TBC1D32: variants seen among roughly 807,000 people sequenced by gnomAD.
The protein encoded by TBC1D32 is TBC1 domain family member 32.
Under a neutral mutation model 170.3 loss-of-function variants are expected in TBC1D32, and 151 were observed. The observed-to-expected ratio is 0.89, with a 90% CI of 0.78 to 1.01. TBC1D32 has a LOEUF of 1.01. Ranked by LOEUF, TBC1D32 falls within the 50% of genes least tolerant of loss-of-function variation. The pLI is 0.00. For synonymous variants in TBC1D32, 498 were observed against 488.0 expected, an observed-to-expected ratio of 1.02 and a Z score of -0.27; for missense variants, 1,464 against 1,457.1, an observed-to-expected ratio of 1.00 and a Z score of -0.08.
chr6:121,298,665 C>A (rs1011058184), intron 10 of TBC1D32, among the ~76,000 whole-genome samples: 1 of 152,032 alleles, frequency 6.6e-6, no homozygotes, highest in Non-Finnish European at 1.5e-5. Context: ...ATATCCCTCT[C>A]TTCTTCTGCT....
chr6:121,115,977 A>G (rs1374009601), intron 26 of TBC1D32, among the ~76,000 whole-genome samples: 4 of 152,264 alleles, frequency 2.6e-5, no homozygotes, highest in Admixed American at 6.5e-5. Context: ...CTAACAGTGA[A>G]CCCTCAAAGG....
At chr6:121,321,611 A>G (rs765820719) in intron 2 of TBC1D32, 22 bp downstream of exon 2, 2 of 1,602,084 alleles carry the variant, frequency 1.2e-6, no homozygotes, top group Admixed American at 1.7e-5. Flanking sequence ...TTATTTGAAG[A>G]TATTATTATG....
chr6:121,188,076 A>G lies in TBC1D32; in HGVS notation c.2570+16999T>C, dbSNP rs898081952. On this transcript the variant is annotated intron_variant, in intron 22 of 31. Transcript: ENST00000398212. ...CTACCAGTTTTGTCACTTTAATTGAATGGCTTAACTTCTCTGTGTCCCAGT... is the reference window on the plus strand; with the variant it reads ...CTACCAGTTTTGTCACTTTAATTGAGTGGCTTAACTTCTCTGTGTCCCAGT... Among the ~76,000 whole-genome samples the G allele has an allele frequency of 6.6e-5, 10 of 152,158 alleles. No homozygotes were observed. In the East Asian group the frequency reaches 1.7e-3, roughly 26 times the overall value.
intron 31 of TBC1D32, among the ~76,000 whole-genome samples, chr6:121,086,007 G>A (rs1370644166): frequency 6.6e-6 from 1 of 151,956 alleles, no homozygotes; most frequent in Non-Finnish European, 1.5e-5. Flanking sequence ...AGAAAAATGG[G>A]AGCAAAAGTA....
intron 19 of TBC1D32, among the ~76,000 whole-genome samples, chr6:121,240,754 G>C (rs1359932826): frequency 6.6e-6 from 1 of 151,542 alleles, no homozygotes; most frequent in Non-Finnish European, 1.5e-5. Context: ...CAGGCGTGGT[G>C]GTGGCCTCCT....
chr6:121,188,733 T>C (rs1040376024), intron 22 of TBC1D32, among the ~76,000 whole-genome samples: 4 of 152,154 alleles, frequency 2.6e-5, no homozygotes, highest in African/African-American at 9.7e-5. Context: ...TTAAAAACCT[T>C]CCCATACTTT....
At chr6:121,220,073 G>T (rs536257624) in intron 21 of TBC1D32, among the ~76,000 whole-genome samples, 1 of 152,188 alleles carries the variant, frequency 6.6e-6, no homozygotes, top group African/African-American at 2.4e-5. Flanking sequence ...ACAATATTAA[G>T]ATTAGCGCAA....
At chr6:121,109,101 G>A (rs1778972764) in intron 29 of TBC1D32, among the ~76,000 whole-genome samples, 2 of 152,148 alleles carry the variant, frequency 1.3e-5, no homozygotes. Flanking sequence ...TTTCCTACAA[G>A]TGATTGGTCA....
intron 3 of TBC1D32, among the ~76,000 whole-genome samples, chr6:121,313,025 T>C (rs1028874436): frequency 6.6e-6 from 1 of 152,042 alleles, no homozygotes; most frequent in Non-Finnish European, 1.5e-5. Flanking sequence ...AAGACCACTT[T>C]TCCCGTAACA....
In TBC1D32 at chr6:121,107,779, T is replaced by C. The variant is rs73768906; in HGVS notation, c.3325-1616A>G. ...ACATGTCTAATAGTAGCATAAGAGT[T>C]CTATGTATAGGAAATGATTCATATG... On this transcript the variant is annotated intron_variant, in intron 29 of 31. Coordinates refer to ENST00000398212, the MANE Select transcript of TBC1D32 (RefSeq NM_152730.6). 5.7e-3 allele frequency among the ~76,000 whole-genome samples: 874 copies of C among 152,136 alleles called. 10 individuals carry two copies. Among genetic ancestry groups the C allele is most frequent in the African/African-American group, 0.02 (832 of 41,568 alleles).
chr6:121,173,884 A>G (rs1169284860), intron 22 of TBC1D32, among the ~76,000 whole-genome samples: 3 of 151,214 alleles, frequency 2.0e-5, no homozygotes, highest in Non-Finnish European at 4.4e-5. Flanking sequence ...CATCTCTCCA[A>G]AAAGAAGTAC....
intron 22 of TBC1D32, among the ~76,000 whole-genome samples, chr6:121,175,903 G>C (rs1787699816): frequency 6.6e-6 from 1 of 152,172 alleles, no homozygotes; most frequent in South Asian, 2.1e-4. Flanking sequence ...TTCATTATTA[G>C]AAGACAATAA....
At chr6:121,239,325 TCTC>T in intron 19 of TBC1D32, 137 bp from the exon 20 acceptor site, 1 of 458,510 alleles carries the variant, frequency 2.2e-6, no homozygotes, top group Non-Finnish European at 3.9e-6. Context: ...TAAAAAATAA[TCTC>T]TTCTTGGTAG....
At chr6:121,196,118 GA>G (rs1562861760) in intron 22 of TBC1D32, among the ~76,000 whole-genome samples, 1 of 152,160 alleles carries the variant, frequency 6.6e-6, no homozygotes, top group African/African-American at 2.4e-5. Context: ...CTCAGCAGAG[GA>G]GGATTTTAAT....
In TBC1D32 at chr6:121,317,491, A is replaced by C. The variant is rs200668673; in HGVS notation, c.495+4T>G. ...AGACATAAATGCAAAACTGAACAAC[A>C]CACCTGATTCAATGATGAATCACTA... On this transcript the variant is annotated splice_donor_region_variant and intron_variant, in intron 3 of 31. Coordinates refer to ENST00000398212, the MANE Select transcript of TBC1D32 (RefSeq NM_152730.6). The C allele has an allele frequency of 6.3e-7, 1 of 1,578,814 alleles. No individual in the cohort carries two copies. Among genetic ancestry groups the C allele is most frequent in the African/African-American group, 1.4e-5 (1 of 73,342 alleles).
At position 121,144,014 on chromosome 6, in the gene TBC1D32, C is replaced by T. The variant is rs114389740; in HGVS notation, c.2774-12262G>A. 8.7e-3 allele frequency among the ~76,000 whole-genome samples: 1,323 copies of T among 152,204 alleles called. 20 individuals are homozygous for T. Among genetic ancestry groups the T allele is most frequent in the African/African-American group, 0.03 (1,238 of 41,540 alleles). ...ATCTTCCTAGGCTATCTATTGCTGC[C>T]TAGATCATGCTGTCTTCCTTAACAA... On this transcript the variant is annotated intron_variant, in intron 24 of 31. Coordinates refer to ENST00000398212, the MANE Select transcript of TBC1D32 (RefSeq NM_152730.6).
chr6:121,107,447 T>G (rs1778803435), intron 29 of TBC1D32, among the ~76,000 whole-genome samples: 1 of 151,876 alleles, frequency 6.6e-6, no homozygotes, highest in Admixed American at 6.6e-5. Flanking sequence ...CTCACAGCAC[T>G]TGAAAAAAAC....
chr6:121,334,269 A>T lies in TBC1D32; in HGVS notation c.155+7T>A. On this transcript the variant is annotated splice_region_variant and intron_variant, in intron 1 of 31. Transcript: ENST00000398212. ...TTATAGGCTTAAAACATCAAAAGCAATTTTACTTGTGAAAATTTTCATCAG... is the reference window on the plus strand; with the variant it reads ...TTATAGGCTTAAAACATCAAAAGCATTTTTACTTGTGAAAATTTTCATCAG... 1 of 1,613,564 alleles carries T rather than the reference A, an allele frequency of 6.2e-7. No individual in the cohort carries two copies. Among genetic ancestry groups the T allele is most frequent in the Non-Finnish European group, 8.5e-7 (1 of 1,179,646 alleles).
chr6:121,209,540 C>T (rs1792780950), intron 21 of TBC1D32, among the ~76,000 whole-genome samples: 1 of 152,126 alleles, frequency 6.6e-6, no homozygotes, highest in Non-Finnish European at 1.5e-5. Context: ...ACGGGTTTAA[C>T]TATTTTAGAT....
Sources: allele counts gnomAD v4.1 joint callset (sites outside exome capture counted in the v4.1 genomes callset), GRCh38; gene constraint gnomAD v4.1.1; transcripts MANE v1.5; gene names NCBI Gene and HGNC (gene_info 2026-07-23, HGNC 2026-07-21).